Variants in SLC30A8 observed in about 807,000 individuals in gnomAD.
SLC30A8 encodes the protein solute carrier family 30 member 8, also known as proton-coupled zinc antiporter SLC30A8.
SLC30A8 carries 27 observed loss-of-function variants against 36.9 expected under a neutral mutation model. The ratio of observed to expected loss-of-function variants is 0.73; its 90% CI spans 0.54 to 1.01. The LOEUF is 1.01. Ranked by LOEUF, SLC30A8 falls within the 50% of genes least tolerant of loss-of-function variation. The pLI is 0.00. For missense variants in SLC30A8, 439 were observed against 452.0 expected (o/e 0.97, Z 0.26); for synonymous variants, 164 against 172.4 (o/e 0.95, Z 0.38).
intron 2 of SLC30A8, among the ~76,000 whole-genome samples, chr8:117,051,959 A>G (rs955991202): frequency 3.3e-5 from 5 of 152,174 alleles, no homozygotes; most frequent in South Asian, 2.1e-4. Flanking sequence ...AAAAGCACAT[A>G]CCAGCGCTAT....
chr8:117,037,936 G>T (rs1195135264), intron 1 of SLC30A8, among the ~76,000 whole-genome samples: 1 of 152,146 alleles, frequency 6.6e-6, no homozygotes, highest in Admixed American at 6.5e-5. Context: ...TCTTCCTTTT[G>T]GGGAAGTAGC....
At chr8:117,150,860 C>T (rs975547065) in intron 2 of SLC30A8, among the ~76,000 whole-genome samples, 1 of 152,144 alleles carries the variant, frequency 6.6e-6, no homozygotes, top group Non-Finnish European at 1.5e-5. Context: ...CCGCCTCTGC[C>T]TCCCGAAGTG....
chr8:117,044,136 G>T (rs183601230), intron 2 of SLC30A8, among the ~76,000 whole-genome samples: 1 of 152,292 alleles, frequency 6.6e-6, no homozygotes, highest in African/African-American at 2.4e-5. Context: ...TTAGATTGAG[G>T]ACTGAGGAGG....
In SLC30A8 at chr8:116,963,674, G is replaced by A. The variant is rs566790484; in HGVS notation, c.-266+12555G>A. Among the ~76,000 whole-genome samples the A allele has an allele frequency of 6.6e-5, 10 of 152,240 alleles. No homozygotes were observed. In the South Asian group the frequency reaches 2.1e-3, roughly 32 times the overall value. ...CATTTTTCAGTTGATGGGCATCTGGGTTGTTTCTACTTTTTGGCTATCGTG... is the reference window on the plus strand; with the variant it reads ...CATTTTTCAGTTGATGGGCATCTGGATTGTTTCTACTTTTTGGCTATCGTG... On this transcript the variant is annotated intron_variant, in intron 1 of 10. Coordinates refer to the SLC30A8 transcript ENST00000427715.
At chr8:117,015,604 G>A (rs78308716) in intron 1 of SLC30A8, among the ~76,000 whole-genome samples, 1,576 of 152,176 alleles carry the variant, frequency 0.01, 23 homozygotes, top group African/African-American at 0.034. Context: ...AAACAAGAAG[G>A]GGACATAGAA....
chr8:116,959,415 G>A (rs555198785), intron 1 of SLC30A8, among the ~76,000 whole-genome samples: 38 of 152,232 alleles, frequency 2.5e-4, no homozygotes, highest in South Asian at 8.3e-4. Context: ...ATCAATGTTA[G>A]TTCTAGATTG....
chr8:117,101,156 C>T (rs531479663), intron 2 of SLC30A8, among the ~76,000 whole-genome samples: 1 of 152,258 alleles, frequency 6.6e-6, no homozygotes, highest in East Asian at 1.9e-4. Flanking sequence ...CCCATGAACC[C>T]ATATGGCCCC....
At chr8:117,149,733 CTG>C (rs1038399252) in intron 2 of SLC30A8, among the ~76,000 whole-genome samples, 4 of 152,200 alleles carry the variant, frequency 2.6e-5, no homozygotes, top group Admixed American at 2.0e-4. Flanking sequence ...CACTTTCATA[CTG>C]TGTCTTTTTA....
intron 2 of SLC30A8, among the ~76,000 whole-genome samples, chr8:117,100,426 C>A (rs1819657436): frequency 6.6e-6 from 1 of 152,054 alleles, no homozygotes; most frequent in Admixed American, 6.5e-5. Context: ...CACTTTTTTC[C>A]ACAGCTCCTC....
intron 1 of SLC30A8, among the ~76,000 whole-genome samples, chr8:117,013,039 A>G (rs1159763008): frequency 1.3e-5 from 2 of 152,098 alleles, no homozygotes; most frequent in South Asian, 2.1e-4. Flanking sequence ...CTCTGCAACT[A>G]TTAATATTTC....
intron 2 of SLC30A8, among the ~76,000 whole-genome samples, chr8:117,060,227 A>G (rs1817988646): frequency 6.6e-6 from 1 of 152,086 alleles, no homozygotes; most frequent in Non-Finnish European, 1.5e-5. Context: ...AATATGGAAG[A>G]GGAGAAGCAG....
At chr8:117,167,098 T>G (rs1461047499) in intron 6 of SLC30A8, among the ~76,000 whole-genome samples, 1 of 152,088 alleles carries the variant, frequency 6.6e-6, no homozygotes, top group Non-Finnish European at 1.5e-5. Context: ...TGGAAGTTAT[T>G]GACTTAAAGA....
At chr8:117,160,118 C>A (rs534893217) in intron 4 of SLC30A8, among the ~76,000 whole-genome samples, 1 of 152,136 alleles carries the variant, frequency 6.6e-6, no homozygotes. Flanking sequence ...ATAGAGATAT[C>A]GGAATTGCGA....
rs553317942 is a variant in SLC30A8 at position 117,038,729 on chromosome 8, C to T, written c.-265-490C>T. ...TAGAAATGTGAAGACATTCTATCAA[C>T]CATGCTTGAGAGTGTTCGATGCTCC... On this transcript the variant is annotated intron_variant, in intron 1 of 10. Transcript: ENST00000427715. Among the ~76,000 whole-genome samples the T allele has an allele frequency of 3.3e-5, 5 of 152,288 alleles. No homozygotes were observed. In the South Asian group the frequency reaches 1.0e-3, roughly 32 times the overall value.
chr8:117,082,681 G>A (rs192327379), intron 2 of SLC30A8, among the ~76,000 whole-genome samples: 58 of 152,338 alleles, frequency 3.8e-4, no homozygotes, highest in African/African-American at 1.3e-3. Flanking sequence ...AATCAACAGA[G>A]AGGACTGACA....
chr8:116,970,344 C>T (rs1210490170), intron 1 of SLC30A8, among the ~76,000 whole-genome samples: 1 of 152,132 alleles, frequency 6.6e-6, no homozygotes, highest in African/African-American at 2.4e-5. Context: ...CCCTGAAGGA[C>T]CTGCCTGGGG....
Position 117,044,685 on chromosome 8 carries a change from C to G in SLC30A8, c.-226+5427C>G, listed in dbSNP as rs543817743. On this transcript the variant is annotated intron_variant, in intron 2 of 10. Transcript: ENST00000427715. ...AATAGACGTCTTGAAAAATAGGGCTCTCTTCTTTTTAGCAGAGCTTGAACA... is the reference window on the plus strand; with the variant it reads ...AATAGACGTCTTGAAAAATAGGGCTGTCTTCTTTTTAGCAGAGCTTGAACA... Among the ~76,000 whole-genome samples the G allele has an allele frequency of 3.2e-4, 48 of 152,278 alleles. 1 individual carries two copies. The highest frequency in any genetic ancestry group is 8.9e-4 in the African/African-American group (37 of 41,562).
chr8:117,084,655 T>C (rs1006007996), intron 2 of SLC30A8, among the ~76,000 whole-genome samples: 1 of 152,112 alleles, frequency 6.6e-6, no homozygotes, highest in Non-Finnish European at 1.5e-5. Context: ...CCCCGGACTT[T>C]TGTGTTTTTA....
intron 1 of SLC30A8, among the ~76,000 whole-genome samples, chr8:117,001,748 A>T (rs749296351): frequency 6.6e-6 from 1 of 152,162 alleles, no homozygotes; most frequent in Non-Finnish European, 1.5e-5. Context: ...TTTCCTCCAG[A>T]TATGCTGGTT....
Sources: gnomAD v4.1 joint callset for allele counts (sites outside exome capture counted in the v4.1 genomes callset) on GRCh38, gnomAD v4.1.1 for gene constraint, MANE v1.5 for transcripts, NCBI Gene and HGNC (gene_info 2026-07-23, HGNC 2026-07-21) for gene names.